The following CAMKMT variants were observed in gnomAD, a reference collection of about 807,000 sequenced individuals.
CAMKMT encodes the protein calmodulin-lysine N-methyltransferase.
In CAMKMT, 53 loss-of-function variants were observed where a neutral mutation model predicts 48.0. The observed-to-expected ratio is 1.10, with a 90% CI of 0.89 to 1.39. The LOEUF (loss-of-function observed/expected upper bound fraction) is 1.39, where lower values mean the gene tolerates loss of function less well. CAMKMT is among the 40% of genes most tolerant of loss of function. The pLI is 0.00. For synonymous variants in CAMKMT, 165 were observed against 152.3 expected, an observed-to-expected ratio of 1.08 and a Z score of -0.61; for missense variants, 428 against 402.7, an observed-to-expected ratio of 1.06 and a Z score of -0.54.
chr2:44,679,942 A>G (rs1298735617), intron 3 of CAMKMT, among the ~76,000 whole-genome samples: 1 of 152,216 alleles, frequency 6.6e-6, no homozygotes, highest in East Asian at 1.9e-4. Context: ...TAAAAATTTG[A>G]AGGACTTCAT....
At chr2:44,509,555 C>T (rs991800245) in intron 3 of CAMKMT, among the ~76,000 whole-genome samples, 3 of 152,126 alleles carry the variant, frequency 2.0e-5, no homozygotes, top group Non-Finnish European at 4.4e-5. Flanking sequence ...AAGCAATCTT[C>T]CCACCTCGGC....
At chr2:44,547,514 T>C (rs1321322966) in intron 3 of CAMKMT, among the ~76,000 whole-genome samples, 1 of 152,042 alleles carries the variant, frequency 6.6e-6, no homozygotes, top group Non-Finnish European at 1.5e-5. Context: ...CTGGGCAACA[T>C]AGTAAGACCT....
chr2:44,660,102 T>C (rs1674600907), intron 3 of CAMKMT, among the ~76,000 whole-genome samples: 1 of 152,232 alleles, frequency 6.6e-6, no homozygotes, highest in African/African-American at 2.4e-5. Flanking sequence ...AACATATTTT[T>C]ATGAAAAGTA....
intron 3 of CAMKMT, among the ~76,000 whole-genome samples, chr2:44,420,020 C>T (rs1683826076): frequency 6.6e-6 from 1 of 152,026 alleles, no homozygotes; most frequent in African/African-American, 2.4e-5. Context: ...AATACTCATA[C>T]AAGATTGCTG....
At chr2:44,558,370 T>G (rs1668135018) in intron 3 of CAMKMT, among the ~76,000 whole-genome samples, 1 of 152,170 alleles carries the variant, frequency 6.6e-6, no homozygotes, top group Non-Finnish European at 1.5e-5. Context: ...CTCTATTGCA[T>G]TGCCCCAGTT....
At chr2:44,365,207 T>C (rs1358890395) in intron 1 of CAMKMT, among the ~76,000 whole-genome samples, 1 of 152,258 alleles carries the variant, frequency 6.6e-6, no homozygotes, top group Non-Finnish European at 1.5e-5. Flanking sequence ...CTGCTCTGTC[T>C]ACTTGTTTTT....
At chr2:44,742,938 G>A (rs1275043459) in intron 7 of CAMKMT, among the ~76,000 whole-genome samples, 1 of 152,108 alleles carries the variant, frequency 6.6e-6, no homozygotes, top group Non-Finnish European at 1.5e-5. Context: ...ACTTGAATAT[G>A]GTAAAATGCT....
rs187625764 is a variant in CAMKMT, at chr2:44,584,971, C to T, written c.377-119312C>T. 3.9e-4 allele frequency among the ~76,000 whole-genome samples: 59 copies of T among 151,768 alleles called. 2 individuals are homozygous for T. The highest frequency in any genetic ancestry group is 2.3e-3 in the Admixed American group (35 of 15,214). On this transcript the variant is annotated intron_variant, in intron 3 of 10. Transcript: ENST00000378494. ...TTGGGAGGCTGAGGCAGGAGAATGA[C>T]ATGAACCCACGAGGCGGAGGTTGCA...
At chr2:44,554,511 G>A (rs745462913) in intron 3 of CAMKMT, among the ~76,000 whole-genome samples, 1 of 152,122 alleles carries the variant, frequency 6.6e-6, no homozygotes, top group Non-Finnish European at 1.5e-5. Context: ...CAAGACAGAA[G>A]GATTGTGTGA....
chr2:44,367,146 G>A (rs1201801675), intron 1 of CAMKMT, among the ~76,000 whole-genome samples: 1 of 152,180 alleles, frequency 6.6e-6, no homozygotes, highest in African/African-American at 2.4e-5. Context: ...TCAGAATTCT[G>A]TTAACTGTCC....
intron 3 of CAMKMT, among the ~76,000 whole-genome samples, chr2:44,467,447 C>G (rs574882433): frequency 3.3e-5 from 5 of 151,960 alleles, no homozygotes; most frequent in Non-Finnish European, 5.9e-5. Context: ...CAGGAGAATC[C>G]CTTGAACATG....
At chr2:44,463,829 C>G (rs1416749815) in intron 3 of CAMKMT, among the ~76,000 whole-genome samples, 1 of 152,184 alleles carries the variant, frequency 6.6e-6, no homozygotes, top group Non-Finnish European at 1.5e-5. Context: ...GATTCTCTGG[C>G]TGTGCTGTTT....
chr2:44,411,837 G>A (rs1230163606), intron 3 of CAMKMT, among the ~76,000 whole-genome samples: 7 of 151,330 alleles, frequency 4.6e-5, no homozygotes, highest in African/African-American at 1.2e-4. Flanking sequence ...TTTTAAATTG[G>A]CATCCTGGGG....
chr2:44,719,257 C>T (rs1378558133), intron 7 of CAMKMT, among the ~76,000 whole-genome samples: 1 of 152,178 alleles, frequency 6.6e-6, no homozygotes, highest in African/African-American at 2.4e-5. Flanking sequence ...TTTCCCCTTG[C>T]CTTCTCAGCC....
intron 7 of CAMKMT, among the ~76,000 whole-genome samples, chr2:44,735,043 T>C (rs1260494412): frequency 6.6e-6 from 1 of 152,242 alleles, no homozygotes; most frequent in Non-Finnish European, 1.5e-5. Flanking sequence ...TGTTATTCAG[T>C]GCGTGAATAT....
chr2:44,466,632 G>A (rs973686366), intron 3 of CAMKMT, among the ~76,000 whole-genome samples: 3 of 152,116 alleles, frequency 2.0e-5, no homozygotes, highest in African/African-American at 4.8e-5. Context: ...AACTAATCCC[G>A]AAGCTAGTAG....
Position 44,435,752 on chromosome 2 carries a change from A to G in CAMKMT, c.376+45447A>G, listed in dbSNP as rs557687344. Among the ~76,000 whole-genome samples the G allele has an allele frequency of 1.4e-4, 21 of 152,336 alleles. No individual in the cohort carries two copies. In the Middle Eastern group the frequency reaches 0.014, roughly 99 times the overall value. On this transcript the variant is annotated intron_variant, in intron 3 of 10. Transcript: ENST00000378494. ...ATTTTAAGGTTAAGGAAAGTTCATG[A>G]TGTTCTCATTCACATAGCAGAAGGA...
chr2:44,401,662 C>A (rs993018445), intron 3 of CAMKMT, among the ~76,000 whole-genome samples: 1 of 152,144 alleles, frequency 6.6e-6, no homozygotes, highest in Non-Finnish European at 1.5e-5. Flanking sequence ...TGAATAACTA[C>A]ATTAAATATG....
At chr2:44,568,640 A>G (rs1243168183) in intron 3 of CAMKMT, among the ~76,000 whole-genome samples, 1 of 152,172 alleles carries the variant, frequency 6.6e-6, no homozygotes, top group African/African-American at 2.4e-5. Context: ...TCAGCATAAC[A>G]GGAGAGGAAG....
Sources: allele counts gnomAD v4.1 joint callset (sites outside exome capture counted in the v4.1 genomes callset), GRCh38; gene constraint gnomAD v4.1.1; transcripts MANE v1.5; gene names NCBI Gene and HGNC (gene_info 2026-07-23, HGNC 2026-07-21).